The following NTRK1 variants were observed in gnomAD, a reference collection of about 807,000 sequenced individuals.
NTRK1 encodes neurotrophic receptor tyrosine kinase 1.
Under a neutral mutation model 86.8 loss-of-function variants are expected in NTRK1, and 62 were observed. That is an observed-to-expected ratio of 0.71 (90% CI 0.58 to 0.88). NTRK1 has a LOEUF of 0.88. Ranked by LOEUF, NTRK1 falls within the 40% of genes least tolerant of loss-of-function variation. The pLI is 0.00. For synonymous variants in NTRK1, 469 were observed against 456.6 expected (o/e 1.03, Z -0.35); for missense variants, 967 against 1,078.4 (o/e 0.90, Z 1.45).
Position 156,843,173 on chromosome 1 carries a change from C to T in NTRK1, c.50+980C>T. 3.1e-6 allele frequency: 5 copies of T among 1,614,118 alleles called. No individual in the cohort carries two copies. The highest frequency in any genetic ancestry group is 2.7e-5 in the African/African-American group (2 of 75,032). The stretch of plus-strand genomic sequence containing the variant: ...ATATACCATCCCAAAAGAGCCCTGG[C>T]CCAGTTCCCGGATTATCGAGATCTG... On this transcript the variant is annotated intron_variant, in intron 2 of 16. Coordinates refer to the NTRK1 transcript ENST00000392302.
chr1:156,842,201 A>G, intron 2 of NTRK1: 1 of 1,614,070 alleles, frequency 6.2e-7, no homozygotes, highest in Non-Finnish European at 8.5e-7. Context: ...AAGGTAGGCC[A>G]TGCCGTCTGC....
rs72698666 is a variant in NTRK1 at position 156,864,572 on chromosome 1, G to A, written c.287+144G>A. On this transcript the variant is annotated intron_variant, in intron 2 of 16. Transcript: ENST00000524377. The stretch of plus-strand genomic sequence containing the variant: ...GACTGGGAGAAGTCAGGAAGCTCAG[G>A]GCTTTGAGGGGTCTAGAGTAGTTGA... 0.05 allele frequency: 56,714 copies of A among 1,123,756 alleles called. 1,671 individuals carry two copies. Among genetic ancestry groups the A allele is most frequent in the Non-Finnish European group, 0.062 (46,683 of 754,686 alleles). 69.6% of individuals were successfully genotyped at this position (1,123,756 alleles called of 1,614,324 possible).
chr1:156,820,390 G>A (rs147294497), intron 1 of NTRK1, among the ~76,000 whole-genome samples: 8 of 152,290 alleles, frequency 5.3e-5, no homozygotes. Context: ...GGGACTACAG[G>A]CATGCGCCAC....
chr1:156,870,953 A>G, intron 6 of NTRK1, among the ~76,000 whole-genome samples: 1 of 152,170 alleles, frequency 6.6e-6, no homozygotes, highest in Non-Finnish European at 1.5e-5. Flanking sequence ...AACCTCACCC[A>G]TGGTCCTCAT....
Position 156,876,545 on chromosome 1 carries a change from G to C in NTRK1, c.1778G>C (p.Arg593Pro), listed in dbSNP as rs748133401. The C allele has an allele frequency of 1.9e-6, 3 of 1,612,936 alleles. No homozygotes were observed. Among genetic ancestry groups the C allele is most frequent in the East Asian group, 2.2e-5 (1 of 44,886 alleles). Residue 593 changes from arginine to proline, a missense_variant, in exon 14 of 17, where the codon CGG becomes CCG. Around this residue, in one of 2 missense-constraint regions of NTRK1, gnomAD observed 637 missense variants for 776.5 expected, o/e 0.82. Coordinates refer to ENST00000524377, the MANE Select transcript of NTRK1 (RefSeq NM_002529.4). Reference sequence around the variant, plus strand: ...CTGCTCATGGTCTTTGAGTATATGCGGCACGGGGACCTCAACCGCTTCCTC... The same window carrying C: ...CTGCTCATGGTCTTTGAGTATATGCCGCACGGGGACCTCAACCGCTTCCTC... ...RPLLMVFEYM[R>P]HGDLNRFLRS...
intron 2 of NTRK1, among the ~76,000 whole-genome samples, chr1:156,850,076 A>G (rs746520459): frequency 1.7e-4 from 26 of 151,866 alleles, no homozygotes; most frequent in Non-Finnish European, 3.1e-4. Flanking sequence ...CTAATTTTGT[A>G]TTTTTTATAG....
intron 3 of NTRK1, among the ~76,000 whole-genome samples, chr1:156,866,427 G>T (rs886107119): frequency 6.6e-6 from 1 of 152,182 alleles, no homozygotes; most frequent in Non-Finnish European, 1.5e-5. Context: ...AGGAGGGCCC[G>T]GAAGGAGGAG....
At position 156,854,250 on chromosome 1, in the gene NTRK1, T is replaced by C; in HGVS notation, c.51-10104T>C. The C allele has an allele frequency of 6.2e-7, 1 of 1,613,776 alleles. No homozygotes were observed. The highest frequency in any genetic ancestry group is 8.5e-7 in the Non-Finnish European group (1 of 1,179,992). ...AGGTGGCCCTCCACCACGCTGCAGTTCTCCAGCTGACGAAGCTCTGCCACC... is the reference window on the plus strand; with the variant it reads ...AGGTGGCCCTCCACCACGCTGCAGTCCTCCAGCTGACGAAGCTCTGCCACC... On this transcript the variant is annotated intron_variant, in intron 2 of 16. Transcript: ENST00000392302. The surrounding 1 kb of genome is among the most constrained non-coding windows in gnomAD (Gnocchi z 4.2).
chr1:156,853,680 C>A, intron 2 of NTRK1: 3 of 1,449,774 alleles, frequency 2.1e-6, no homozygotes, highest in Non-Finnish European at 2.8e-6. Flanking sequence ...CCCACACCAT[C>A]CTGTGGCCAC....
intron 2 of NTRK1, among the ~76,000 whole-genome samples, chr1:156,851,023 T>C (rs751077874): frequency 2.0e-5 from 3 of 152,230 alleles, no homozygotes; most frequent in Non-Finnish European, 2.9e-5. Flanking sequence ...TAATTTATAT[T>C]GTATATACTG....
rs758782301 is a variant in NTRK1 at position 156,879,960 on chromosome 1, A to T, written c.2047-39A>T. 3 of 1,609,642 alleles carry T rather than the reference A, an allele frequency of 1.9e-6. No homozygotes were observed. The African/African-American group carries it at 4.0e-5, about 21-fold the overall frequency. ...AGGCTGTGCCTTGACGGGCTGTCCCAGGCGCCCCTGGAATTGATGCAGTGT... is the reference window on the plus strand; with the variant it reads ...AGGCTGTGCCTTGACGGGCTGTCCCTGGCGCCCCTGGAATTGATGCAGTGT... On this transcript the variant is annotated intron_variant, in intron 15 of 16. Coordinates refer to ENST00000524377, the MANE Select transcript of NTRK1 (RefSeq NM_002529.4).
intron 2 of NTRK1, among the ~76,000 whole-genome samples, chr1:156,850,534 CTTTTTT>C (rs35237064): frequency 8.5e-5 from 5 of 58,634 alleles, no homozygotes; most frequent in Admixed American, 2.2e-4. Context: ...TTAAAACATT[CTTTTTT>C]TTTTTTTTTT....
intron 3 of NTRK1, among the ~76,000 whole-genome samples, chr1:156,866,310 G>A (rs2102888615): frequency 6.6e-6 from 1 of 152,356 alleles, no homozygotes. Context: ...ATTTTCCTGT[G>A]TGGCCTGGAG....
rs773926774 is a variant in NTRK1, at chr1:156,868,178, G to T, written c.503G>T (p.Gly168Val). Residue 168 changes from glycine (G) to valine (V), a missense_variant, in exon 5 of 17, where the codon GGC (glycine) becomes GTC (valine). Coordinates refer to ENST00000524377, the MANE Select transcript of NTRK1 (RefSeq NM_002529.4). ...WLQRWEEEGL[G>V]GVPEQKLQCH... The stretch of plus-strand genomic sequence containing the variant: ...CAGCGCTGGGAGGAGGAGGGACTGG[G>T]CGGAGTGCCTGAACAGAAGCTGCAG... 1.9e-6 allele frequency: 3 copies of T among 1,613,764 alleles called. No homozygotes were observed. The highest frequency in any genetic ancestry group is 1.7e-5 in the Admixed American group (1 of 60,028).
At chr1:156,843,383 G>T in intron 2 of NTRK1, 1 of 1,601,786 alleles carries the variant, frequency 6.2e-7, no homozygotes, top group Non-Finnish European at 8.6e-7. Flanking sequence ...CTCCTCTCCT[G>T]TCTCCCTTTC....
rs748653984 is a variant in NTRK1 at position 156,868,159 on chromosome 1, T to C, written c.484T>C (p.Trp162Arg). The C allele has an allele frequency of 1.2e-6, 2 of 1,613,896 alleles. No individual in the cohort carries two copies. Among genetic ancestry groups the C allele is most frequent in the Admixed American group, 1.7e-5 (1 of 60,028 alleles). Residue 162 changes from tryptophan (W) to arginine (R), a missense_variant, in exon 5 of 17, where the codon TGG becomes CGG. By Grantham distance (101) the Trp-to-Arg change is moderately radical. Around this residue, in one of 2 missense-constraint regions of NTRK1, gnomAD observed 330 missense variants for 302.0 expected, o/e 1.09. Coordinates refer to ENST00000524377, the MANE Select transcript of NTRK1 (RefSeq NM_002529.4). Reference protein sequence around the residue: ...CSCALRWLQRWEEEGLGGVPE... With the variant: ...CSCALRWLQRREEEGLGGVPE... The stretch of plus-strand genomic sequence containing the variant: ...TTGTGCCCTGCGCTGGCTACAGCGC[T>C]GGGAGGAGGAGGGACTGGGCGGAGT...
At chr1:156,829,698 G>A (rs1357978083) in intron 1 of NTRK1, among the ~76,000 whole-genome samples, 1 of 152,066 alleles carries the variant, frequency 6.6e-6, no homozygotes, top group Non-Finnish European at 1.5e-5. Flanking sequence ...TGTCACCCAG[G>A]CTGGAGTGCA....
intron 1 of NTRK1, among the ~76,000 whole-genome samples, 170 bp from the exon 2 acceptor site, chr1:156,864,184 C>T (rs1655816944): frequency 6.6e-6 from 1 of 151,882 alleles, no homozygotes; most frequent in South Asian, 2.1e-4. Flanking sequence ...TCTCTGTGCA[C>T]ATGTATGCAT....
chr1:156,865,035 C>G (rs528444530), intron 3 of NTRK1: 4 of 596,606 alleles, frequency 6.7e-6, no homozygotes, highest in Non-Finnish European at 9.2e-6. Context: ...GCTGCAAGGA[C>G]ACTTCTCATA....
Sources: allele counts gnomAD v4.1 joint callset (sites outside exome capture counted in the v4.1 genomes callset), GRCh38; gene constraint gnomAD v4.1.1; regional missense constraint gnomAD v4.1.1; non-coding constraint Gnocchi (gnomAD v3.1); transcripts MANE v1.5; gene names NCBI Gene and HGNC (gene_info 2026-07-23, HGNC 2026-07-21).